DYNC2H1: variants seen among roughly 807,000 people sequenced by gnomAD.
DYNC2H1 encodes the protein cytoplasmic dynein 2 heavy chain 1.
Under a neutral mutation model 570.0 loss-of-function variants are expected in DYNC2H1, and 410 were observed. The observed-to-expected ratio is 0.72, with a 90% CI of 0.66 to 0.78. DYNC2H1 has a LOEUF of 0.78. Among genes scored for constraint, DYNC2H1 ranks in the 30% least tolerant of loss-of-function variants. The probability of loss-of-function intolerance (pLI) is 0.00; values close to 1 mark genes in which losing one functional copy is unlikely to be tolerated. For missense variants in DYNC2H1, 4,865 were observed against 5,046.4 expected (o/e 0.96, Z 1.09); for synonymous variants, 1,688 against 1,677.6 (o/e 1.01, Z -0.15).
chr11:103,222,590 A>G (rs1304588658), intron 58 of DYNC2H1, among the ~76,000 whole-genome samples: 1 of 152,200 alleles, frequency 6.6e-6, no homozygotes, highest in Non-Finnish European at 1.5e-5. Context: ...CACCAACTAC[A>G]ATAGTTTTAA....
At chr11:103,384,394 C>T (rs544894987) in intron 83 of DYNC2H1, among the ~76,000 whole-genome samples, 1 of 151,998 alleles carries the variant, frequency 6.6e-6, no homozygotes, top group Non-Finnish European at 1.5e-5. Flanking sequence ...TCGAGTTTTT[C>T]TATGGGTGCC....
chr11:103,421,056 GA>G (rs1239015465), intron 84 of DYNC2H1, among the ~76,000 whole-genome samples: 3 of 152,028 alleles, frequency 2.0e-5, no homozygotes, highest in Non-Finnish European at 2.9e-5. Context: ...ATGGAAAACA[GA>G]AAAATGCAGG....
chr11:103,154,877 AACTATAT>A lies in DYNC2H1; in HGVS notation c.3573+70_3573+76del, dbSNP rs1555050418. 1.1e-4 allele frequency: 120 copies of A among 1,122,152 alleles called. No homozygotes were observed. The Middle Eastern group carries it at 1.4e-3, about 13-fold the overall frequency. The allele number at this position is 1,122,152 out of a possible 1,614,324, so 69.5% of individuals were successfully genotyped here. ...GAGCTTTCATCTTATGTAGTGACTG[AACTATAT>A]AATTTTACTTTATATGTTTTTCAAT... is the stretch of plus-strand genomic sequence containing the variant. On this transcript the variant is annotated intron_variant, in intron 24 of 88. Coordinates refer to ENST00000375735, the MANE Select transcript of DYNC2H1 (RefSeq NM_001377.3).
intron 83 of DYNC2H1, among the ~76,000 whole-genome samples, chr11:103,394,866 T>G (rs1305410908): frequency 6.6e-6 from 1 of 152,042 alleles, no homozygotes; most frequent in Non-Finnish European, 1.5e-5. Context: ...TAACTGGCTT[T>G]TGGTACAGTA....
chr11:103,173,824 A>G (rs892127550), intron 35 of DYNC2H1, among the ~76,000 whole-genome samples: 2 of 152,134 alleles, frequency 1.3e-5, no homozygotes, highest in Non-Finnish European at 2.9e-5. Context: ...TGGTGTCTTC[A>G]TTAAGATAAT....
chr11:103,160,012 T>C (rs1203831356), intron 28 of DYNC2H1, among the ~76,000 whole-genome samples: 1 of 152,168 alleles, frequency 6.6e-6, no homozygotes, highest in Non-Finnish European at 1.5e-5. Flanking sequence ...TACAGAAATA[T>C]TCATCAATTC....
At chr11:103,331,645 TGAA>T (rs1303591173) in intron 82 of DYNC2H1, among the ~76,000 whole-genome samples, 1 of 151,984 alleles carries the variant, frequency 6.6e-6, no homozygotes, top group Non-Finnish European at 1.5e-5. Context: ...ACAAAGTATA[TGAA>T]AATGCAAGAA....
chr11:103,357,098 T>TTA (rs1428501649), intron 82 of DYNC2H1, among the ~76,000 whole-genome samples: 1 of 152,102 alleles, frequency 6.6e-6, no homozygotes, highest in African/African-American at 2.4e-5. Flanking sequence ...ATCATTGATT[T>TTA]TATATATATA....
Position 103,234,089 on chromosome 11 carries a change from C to G in DYNC2H1, c.9496C>G (p.Gln3166Glu), listed in dbSNP as rs745823828. The change falls in exon 61 of 89, where the codon CAA becomes GAA. Residue 3166 changes from glutamine (Q) to glutamate (E), a missense_variant. This residue lies in a region of DYNC2H1 where 2,401 missense variants were observed against 2,454.6 expected (regional missense o/e 0.98). Coordinates refer to ENST00000375735, the MANE Select transcript of DYNC2H1 (RefSeq NM_001377.3). ...ACTTGAGGCTGAAGTAAGCAAGGCACAAGAAACAATCAAAGCTGCAGAAGT... is the reference window on the plus strand; with the variant it reads ...ACTTGAGGCTGAAGTAAGCAAGGCAGAAGAAACAATCAAAGCTGCAGAAGT... ...AKLEAEVSKA[Q>E]ETIKAAEVLI... 39 of 1,568,954 alleles carry G rather than the reference C, an allele frequency of 2.5e-5. No individual in the cohort carries two copies. Among genetic ancestry groups the G allele is most frequent in the Admixed American group, 7.5e-5 (4 of 53,306 alleles).
rs17099995 is a variant in DYNC2H1, at chr11:103,156,875, C to T, written c.4127+105C>T. The T allele has an allele frequency of 4.9e-3, 6,752 of 1,364,934 alleles. 310 individuals are homozygous for T. In the African/African-American group the frequency reaches 0.089, roughly 18 times the overall value. 84.6% of individuals were successfully genotyped at this position (1,364,934 alleles called of 1,614,324 possible). A position where few individuals can be genotyped will look rare whatever the true frequency, so the allele number is the denominator to read the frequency against. ...CAAATTACTTTTACATGATTGGTAT[C>T]CTCTGTGTATTCAAATTCTTTCCTA... On this transcript the variant is annotated intron_variant, in intron 26 of 88. Coordinates refer to ENST00000375735, the MANE Select transcript of DYNC2H1 (RefSeq NM_001377.3).
intron 85 of DYNC2H1, among the ~76,000 whole-genome samples, chr11:103,442,890 G>A (rs1944312543): frequency 6.6e-6 from 1 of 151,470 alleles, no homozygotes; most frequent in South Asian, 2.1e-4. Flanking sequence ...CATGTAACCA[G>A]TGATTGTTAG....
chr11:103,470,991 A>C (rs1459239624), intron 88 of DYNC2H1, among the ~76,000 whole-genome samples: 1 of 152,106 alleles, frequency 6.6e-6, no homozygotes, highest in African/African-American at 2.4e-5. Context: ...GAATCGCCAC[A>C]CTGACTTCCA....
chr11:103,167,971 T>G (rs1456401374), intron 31 of DYNC2H1, among the ~76,000 whole-genome samples: 1 of 152,192 alleles, frequency 6.6e-6, no homozygotes, highest in Non-Finnish European at 1.5e-5. Flanking sequence ...ACCTTGGGAA[T>G]GAGTCCAGGA....
intron 83 of DYNC2H1, among the ~76,000 whole-genome samples, chr11:103,387,345 G>A (rs146798439): frequency 2.0e-4 from 31 of 152,074 alleles, no homozygotes; most frequent in African/African-American, 7.0e-4. Context: ...TGTTGATGGG[G>A]TTCTTTGTTT....
rs1355805935 is a variant in DYNC2H1, at chr11:103,244,741, A to G, written c.9919-510A>G. Among the ~76,000 whole-genome samples, 2 of 148,240 alleles carry G rather than the reference A, an allele frequency of 1.3e-5. No homozygotes were observed. Among genetic ancestry groups the G allele is most frequent in the African/African-American group, 4.9e-5 (2 of 40,812 alleles). ...TATCTTATATACATATAAGTATATA[A>G]ATATACTATATATATCTATAGTTAC... On this transcript the variant is annotated intron_variant, in intron 64 of 88. Coordinates refer to ENST00000375735, the MANE Select transcript of DYNC2H1 (RefSeq NM_001377.3). The surrounding 1 kb of genome is among the most constrained non-coding windows in gnomAD (Gnocchi z 4.3).
At chr11:103,419,595 A>G (rs890400672) in intron 84 of DYNC2H1, among the ~76,000 whole-genome samples, 3 of 152,078 alleles carry the variant, frequency 2.0e-5, no homozygotes, top group African/African-American at 7.2e-5. Flanking sequence ...ACAGAAAACA[A>G]TATTTAAAAT....
At position 103,201,150 on chromosome 11, in the gene DYNC2H1, G is replaced by T. The variant is rs150579321; in HGVS notation, c.8197+996G>T. 6.6e-6 allele frequency among the ~76,000 whole-genome samples: 1 copy of T among 152,092 alleles called. No homozygotes were observed. Among genetic ancestry groups the T allele is most frequent in the East Asian group, 1.9e-4 (1 of 5,166 alleles). ...CCAGTAATCTTGTTTTTTAAAAGAA[G>T]AAATTAAAATTATTTTTAAGGAAAA... On this transcript the variant is annotated intron_variant, in intron 50 of 88. Transcript: ENST00000375735. The surrounding 1 kb of genome is among the most constrained non-coding windows in gnomAD (Gnocchi z 4.8).
rs745355739 is a variant in DYNC2H1, at chr11:103,233,830, ATG to A, written c.9441-157_9441-156del. On this transcript the variant is annotated intron_variant, in intron 60 of 88. Transcript: ENST00000375735. ...TTTGAGGTAGAGAATGCTACACTTTATGTGTGTGTGTGTGTGTGTGTGTGTGT... is the reference window on the plus strand; with the variant it reads ...TTTGAGGTAGAGAATGCTACACTTTATGTGTGTGTGTGTGTGTGTGTGTGT... Among the ~76,000 whole-genome samples, 3,082 of 75,802 alleles carry A rather than the reference ATG, an allele frequency of 0.041. 128 individuals carry two copies. The highest frequency in any genetic ancestry group is 0.11 in the African/African-American group (2,724 of 24,990). 49.7% of individuals were successfully genotyped at this position (75,802 alleles called of 152,430 possible). A position where few individuals can be genotyped will look rare whatever the true frequency, so the allele number is the denominator to read the frequency against.
At chr11:103,330,248 TAC>T (rs1187994973) in intron 82 of DYNC2H1, among the ~76,000 whole-genome samples, 1 of 152,220 alleles carries the variant, frequency 6.6e-6, no homozygotes, top group Non-Finnish European at 1.5e-5. Context: ...TAAATATATG[TAC>T]TTTTCATTTC....
Sources: gnomAD v4.1 joint callset for allele counts (sites outside exome capture counted in the v4.1 genomes callset) on GRCh38, gnomAD v4.1.1 for gene constraint, gnomAD v4.1.1 regional missense constraint, Gnocchi (gnomAD v3.1) non-coding constraint, MANE v1.5 for transcripts, NCBI Gene and HGNC (gene_info 2026-07-23, HGNC 2026-07-21) for gene names.